Variants in OGG1 observed in about 807,000 individuals in gnomAD.
OGG1 encodes N-glycosylase/DNA lyase.
OGG1 carries 35 observed loss-of-function variants against 42.3 expected under a neutral mutation model. That is an observed-to-expected ratio of 0.83 (90% CI 0.63 to 1.10). OGG1 has a LOEUF of 1.10. Among genes scored for constraint, OGG1 ranks in the 50% least tolerant of loss-of-function variants. The probability of loss-of-function intolerance (pLI) is 0.00; values close to 1 mark genes in which losing one functional copy is unlikely to be tolerated. For missense variants in OGG1, 484 were observed against 446.7 expected (o/e 1.08, Z -0.75); for synonymous variants, 189 against 179.0 (o/e 1.06, Z -0.44).
downstream of OGG1, chr3:9,759,718 CCTT>C: frequency 6.2e-7 from 1 of 1,614,170 alleles, no homozygotes; most frequent in Non-Finnish European, 8.5e-7. Context: ...TTCTCTGGGT[CCTT>C]CTCCATCAAG....
downstream of OGG1, chr3:9,758,055 A>G: frequency 1.6e-6 from 1 of 625,948 alleles, no homozygotes; most frequent in Non-Finnish European, 2.6e-6. Flanking sequence ...ATGTATGTGT[A>G]TCTATATATA....
In OGG1 at chr3:9,756,468, A is replaced by G. The variant is rs1273208607; in HGVS notation, c.748-3A>G. On this transcript the variant is annotated splice_polypyrimidine_tract_variant and splice_region_variant and intron_variant, in intron 4 of 6. Coordinates refer to ENST00000344629, the MANE Select transcript of OGG1 (RefSeq NM_002542.6). ...ACAAGGGCTCATTCTGTGTCTGTCA[A>G]AGGTGGCTGACTGCATCTGCCTGAT... 4.3e-6 allele frequency: 7 copies of G among 1,614,072 alleles called. No homozygotes were observed. The highest frequency in any genetic ancestry group is 1.3e-5 in the African/African-American group (1 of 74,948).
downstream of OGG1, chr3:9,789,487 T>A (rs2078688562): frequency 3.1e-6 from 5 of 1,604,568 alleles, 1 homozygote; most frequent in Non-Finnish European, 2.6e-6. Context: ...GCATCATGTC[T>A]ATCAAGGCCC....
At position 9,751,941 on chromosome 3, in the gene OGG1, C is replaced by T. The variant is rs760280740; in HGVS notation, c.557C>T (p.Ala186Val). The T allele has an allele frequency of 3.7e-6, 6 of 1,613,892 alleles. No homozygotes were observed. Among genetic ancestry groups the T allele is most frequent in the African/African-American group, 1.3e-5 (1 of 74,910 alleles). ...VTYHGFPSLQ[A>V]LAGPEVEAHL... ...TACCATGGCTTCCCCAGCCTGCAGG[C>T]CCTGGCTGGTGAGTAGGTGGGTCCC... The change falls in exon 3 of 7, where the codon GCC becomes GTC. Residue 186 changes from alanine (A) to valine (V), a missense_variant. Ala to Val is a moderately conservative substitution (Grantham distance 64, BLOSUM62 0). Transcript: ENST00000344629.
At chr3:9,757,889 T>C (rs1319383635), downstream of OGG1, 4 of 1,566,910 alleles carry the variant, frequency 2.6e-6, no homozygotes, top group African/African-American at 1.4e-5. The surrounding 1 kb of genome is among the most constrained non-coding windows in gnomAD (Gnocchi z 4.5). Context: ...AAAGGACTTT[T>C]GAGAGAGTCA....
intron 7 of OGG1, chr3:9,762,874 C>T (rs980314904): frequency 8.1e-6 from 13 of 1,607,636 alleles, no homozygotes; most frequent in South Asian, 1.1e-5. Flanking sequence ...AAGGCCCCAC[C>T]CCTGGGTACC....
At chr3:9,753,692 C>T (rs1161810821) in intron 3 of OGG1, among the ~76,000 whole-genome samples, 6 of 151,910 alleles carry the variant, frequency 3.9e-5, no homozygotes, top group Non-Finnish European at 7.4e-5. Context: ...AGTCTCAGCT[C>T]CTGGCTTAGT....
chr3:9,767,788 G>A, downstream of OGG1: 1 of 1,612,424 alleles, frequency 6.2e-7, no homozygotes, highest in Non-Finnish European at 8.5e-7. Context: ...GCTCCTGTAA[G>A]GAGAATGGAA....
chr3:9,790,454 A>G (rs1393417617), downstream of OGG1, among the ~76,000 whole-genome samples: 1 of 152,212 alleles, frequency 6.6e-6, no homozygotes. Flanking sequence ...GGCACTTCAC[A>G]GCTCCAACGT....
At chr3:9,777,404 T>C (rs1485230004) in intron 2 of OGG1, among the ~76,000 whole-genome samples, 1 of 152,230 alleles carries the variant, frequency 6.6e-6, no homozygotes, top group Admixed American at 6.5e-5. Flanking sequence ...GTAAGAACTC[T>C]GCCAGGGATG....
chr3:9,780,701 C>T, intron 2 of OGG1: 1 of 693,380 alleles, frequency 1.4e-6, no homozygotes, highest in East Asian at 2.7e-5. Context: ...CTGACCTACA[C>T]TTACATGGCA....
intron 7 of OGG1, among the ~76,000 whole-genome samples, chr3:9,763,655 C>T (rs1161288459): frequency 6.6e-6 from 1 of 152,092 alleles, no homozygotes; most frequent in Non-Finnish European, 1.5e-5. Context: ...GATCTTTTCA[C>T]CAGTGAGCCA....
At chr3:9,774,653 A>G (rs1390921489) in intron 2 of OGG1, among the ~76,000 whole-genome samples, 1 of 152,212 alleles carries the variant, frequency 6.6e-6, no homozygotes, top group African/African-American at 2.4e-5. Flanking sequence ...CAGTAAACAC[A>G]GGACATTTTG....
intron 3 of OGG1, chr3:9,784,153 A>T: frequency 6.2e-7 from 1 of 1,614,130 alleles, no homozygotes; most frequent in East Asian, 2.2e-5. Flanking sequence ...CAGACTCCAA[A>T]AGGCCCTGGG....
chr3:9,759,080 T>A, downstream of OGG1: 1 of 928,838 alleles, frequency 1.1e-6, no homozygotes, highest in Non-Finnish European at 1.8e-6. Flanking sequence ...CTCCTGCCTC[T>A]CAGTCCCCTC....
At position 9,751,168 on chromosome 3, in the gene OGG1, C is replaced by T; in HGVS notation, c.361C>T (p.Gln121Ter). The change falls in exon 2 of 7, where the codon CAA (glutamine) becomes TAA (stop). Residue 121 changes from glutamine to a stop codon, truncating the protein, a stop_gained. Transcript: ENST00000344629. LOFTEE classifies it high-confidence loss of function. ...CTGGGGTTCCGTGGACTCCCACTTC[C>T]AAGAGGTGGCTCAGAAATTCCAAGG... is the stretch of plus-strand genomic sequence containing the variant. ...HHWGSVDSHF[Q>*]EVAQKFQGVR... is the part of the protein sequence containing the mutation. 1 of 1,614,096 alleles carries T rather than the reference C, an allele frequency of 6.2e-7. No homozygotes were observed. The highest frequency in any genetic ancestry group is 8.5e-7 in the Non-Finnish European group (1 of 1,180,006).
At chr3:9,752,056 C>G (rs536026344) in intron 3 of OGG1, 107 bp downstream of exon 3, 189 of 1,112,488 alleles carry the variant, frequency 1.7e-4, no homozygotes, top group Middle Eastern at 1.4e-3. Flanking sequence ...AAACACTTCC[C>G]CTATCCAGAA....
At chr3:9,763,231 G>A (rs747812591) in intron 7 of OGG1, 3 of 1,613,522 alleles carry the variant, frequency 1.9e-6, no homozygotes, top group East Asian at 4.5e-5. Context: ...GAGAAATGAG[G>A]TGGTTTAGCC....
At chr3:9,774,219 G>C (rs1425979218) in intron 2 of OGG1, among the ~76,000 whole-genome samples, 3 of 151,928 alleles carry the variant, frequency 2.0e-5, no homozygotes, top group Non-Finnish European at 4.4e-5. Flanking sequence ...GACCAGCCTG[G>C]GCAACATAGT....
Sources: gnomAD v4.1 joint callset for allele counts (sites outside exome capture counted in the v4.1 genomes callset) on GRCh38, gnomAD v4.1.1 for gene constraint, Gnocchi (gnomAD v3.1) non-coding constraint, MANE v1.5 for transcripts, NCBI Gene and HGNC (gene_info 2026-07-23, HGNC 2026-07-21) for gene names.